The following TMEM165 variants were observed in gnomAD, a reference collection of about 807,000 sequenced individuals.
TMEM165 encodes transmembrane protein 165, also known as putative divalent cation/proton antiporter TMEM165.
TMEM165 carries 19 observed loss-of-function variants against 30.0 expected under a neutral mutation model. The ratio of observed to expected loss-of-function variants is 0.63; its 90% confidence interval spans 0.44 to 0.93. The LOEUF (loss-of-function observed/expected upper bound fraction) is 0.93. Among genes scored for constraint, TMEM165 ranks in the 40% least tolerant of loss-of-function variants. TMEM165 has a pLI of 0.00. For missense variants in TMEM165, 340 were observed against 417.0 expected, an observed-to-expected ratio of 0.82 and a Z score of 1.61; for synonymous variants, 168 against 162.9, an observed-to-expected ratio of 1.03 and a Z score of -0.24.
In TMEM165 at chr4:55,417,222, C is replaced by G. The variant is rs753568474; in HGVS notation, c.584C>G (p.Ala195Gly). 3 of 1,611,952 alleles carry G rather than the reference C, an allele frequency of 1.9e-6. No homozygotes were observed. Among genetic ancestry groups the G allele is most frequent in the Non-Finnish European group, 8.5e-7 (1 of 1,179,534 alleles). ...CAAGAGGAACTGGAAGAAGTTCAAGCTGAATTAAAGAAGAAAGATGAAGAA... is the reference window on the plus strand; with the variant it reads ...CAAGAGGAACTGGAAGAAGTTCAAGGTGAATTAAAGAAGAAAGATGAAGAA... ...EGQEELEEVQAELKKKDEEFQ... is the reference protein window; with the variant it reads ...EGQEELEEVQGELKKKDEEFQ... Residue 195 changes from alanine to glycine, a missense_variant, in exon 3 of 6, where the codon GCT becomes GGT. Transcript: ENST00000381334.
chr4:55,405,807 G>A (rs1721245345), intron 1 of TMEM165, among the ~76,000 whole-genome samples: 1 of 152,138 alleles, frequency 6.6e-6, no homozygotes, highest in Non-Finnish European at 1.5e-5. Flanking sequence ...CCTTGATGGT[G>A]TTTATGTGTT....
intron 3 of TMEM165, among the ~76,000 whole-genome samples, chr4:55,440,548 ATACTC>A (rs1296466903): frequency 1.3e-5 from 2 of 152,220 alleles, no homozygotes; most frequent in African/African-American, 2.4e-5. Flanking sequence ...TGACAATAAA[ATACTC>A]TATTTTATAC....
chr4:55,433,846 ATGT>A (rs1396573243), intron 3 of TMEM165: 1 of 152,200 alleles, frequency 6.6e-6, no homozygotes, highest in Non-Finnish European at 1.5e-5. Context: ...CAATATTCTA[ATGT>A]TGTAGTGAAG....
At chr4:55,424,250 G>A (rs1197918595) in intron 4 of TMEM165, 1 of 388,100 alleles carries the variant, frequency 2.6e-6, no homozygotes, top group Non-Finnish European at 4.6e-6. Context: ...TGTGAAGGAA[G>A]TTTAATAACT....
intron 1 of TMEM165, among the ~76,000 whole-genome samples, chr4:55,402,057 G>GCAGTGAA (rs1389872983): frequency 7.2e-6 from 1 of 138,934 alleles, no homozygotes; most frequent in Non-Finnish European, 1.5e-5. Flanking sequence ...GGTGGAGGTT[G>GCAGTGAA]CAGTGAACCA....
intron 1 of TMEM165, among the ~76,000 whole-genome samples, chr4:55,402,809 T>TTTTTTTTTTTA (rs1560387581): frequency 3.8e-5 from 5 of 131,920 alleles, no homozygotes; most frequent in African/African-American, 1.5e-4. Context: ...TTTTTTTTTT[T>TTTTTTTTTTTA]GAGACGGAGT....
intron 3 of TMEM165, chr4:55,449,274 T>G: frequency 2.3e-6 from 2 of 858,308 alleles, no homozygotes; most frequent in Non-Finnish European, 3.9e-6. Flanking sequence ...AAGTGTCACA[T>G]ATCAGTAACT....
At chr4:55,399,889 A>G in intron 1 of TMEM165, among the ~76,000 whole-genome samples, 1 of 151,942 alleles carries the variant, frequency 6.6e-6, no homozygotes, top group Non-Finnish European at 1.5e-5. Context: ...TGGGTATAAT[A>G]TAATATGATT....
intron 4 of TMEM165, among the ~76,000 whole-genome samples, chr4:55,422,931 C>T (rs902479769): frequency 6.6e-6 from 1 of 152,042 alleles, no homozygotes; most frequent in Admixed American, 6.5e-5. Flanking sequence ...CCACTGCACC[C>T]AGCCTATTTT....
intron 4 of TMEM165, among the ~76,000 whole-genome samples, chr4:55,421,425 T>C (rs1382424550): frequency 6.6e-6 from 1 of 150,944 alleles, no homozygotes; most frequent in Non-Finnish European, 1.5e-5. Context: ...CTCAGCCTTC[T>C]GAGTCTGGGA....
intron 1 of TMEM165, chr4:55,397,221 G>A (rs1388584709): frequency 6.6e-6 from 1 of 152,188 alleles, no homozygotes; most frequent in Admixed American, 6.5e-5. Flanking sequence ...CCATCTCCAC[G>A]TAACTAATCT....
chr4:55,425,362 T>TC lies in TMEM165; in HGVS notation c.899-13dup. On this transcript the variant is annotated splice_polypyrimidine_tract_variant and intron_variant, in intron 5 of 5. Transcript: ENST00000381334. Reference sequence around the variant, plus strand: ...GAATTTTACTGTATTTGACTTTTTTTCTCTCTCTTCCAGTGACAATCATAG... The same window carrying TC: ...GAATTTTACTGTATTTGACTTTTTTTCCTCTCTCTTCCAGTGACAATCATAG... The TC allele has an allele frequency of 6.2e-7, 1 of 1,608,558 alleles. No homozygotes were observed. Among genetic ancestry groups the TC allele is most frequent in the Non-Finnish European group, 8.5e-7 (1 of 1,175,780 alleles).
At chr4:55,450,263 T>A (rs755930872) in intron 3 of TMEM165, 1 of 1,613,464 alleles carries the variant, frequency 6.2e-7, no homozygotes, top group South Asian at 1.1e-5. Flanking sequence ...AAATGTTTTC[T>A]TGTGGTTCAG....
chr4:55,447,312 C>T (rs973072858), intron 3 of TMEM165, among the ~76,000 whole-genome samples: 3 of 151,730 alleles, frequency 2.0e-5, no homozygotes, highest in Admixed American at 6.6e-5. Flanking sequence ...TGCAGTAAGC[C>T]GAGATTGCGC....
chr4:55,403,970 A>T (rs2109529020), intron 1 of TMEM165, among the ~76,000 whole-genome samples: 1 of 136,838 alleles, frequency 7.3e-6, no homozygotes, highest in African/African-American at 2.5e-5. Flanking sequence ...AGAAAGAAAA[A>T]GGTCATTCAT....
At chr4:55,399,528 A>C (rs1720865309) in intron 1 of TMEM165, among the ~76,000 whole-genome samples, 1 of 152,198 alleles carries the variant, frequency 6.6e-6, no homozygotes, top group South Asian at 2.1e-4. Context: ...AGAGATTATG[A>C]ATATGTAACT....
At chr4:55,406,401 G>A (rs1408376359) in intron 1 of TMEM165, among the ~76,000 whole-genome samples, 6 of 152,148 alleles carry the variant, frequency 3.9e-5, no homozygotes, top group Admixed American at 2.6e-4. Flanking sequence ...GCCAACCCCT[G>A]TTCTAGTCAT....
chr4:55,442,473 C>A (rs373948856), intron 3 of TMEM165: 5 of 1,605,766 alleles, frequency 3.1e-6, no homozygotes, highest in Non-Finnish European at 4.2e-6. Flanking sequence ...CTGCAGCACT[C>A]TGGGTGCTGT....
downstream of TMEM165, chr4:55,427,991 A>G (rs550641896): frequency 6.6e-6 from 1 of 152,318 alleles, no homozygotes; most frequent in South Asian, 2.1e-4. Flanking sequence ...AGCAGGTGTT[A>G]TTTTTTGAGA....
Sources: allele counts gnomAD v4.1 joint callset (sites outside exome capture counted in the v4.1 genomes callset), GRCh38; gene constraint gnomAD v4.1.1; transcripts MANE v1.5; gene names NCBI Gene and HGNC (gene_info 2026-07-23, HGNC 2026-07-21).